The following ZNF544 variants were observed in gnomAD, a reference collection of about 807,000 sequenced individuals.
ZNF544 encodes zinc finger protein 544.
In ZNF544, 10 loss-of-function variants were observed where a neutral mutation model predicts 13.5. The ratio of observed to expected loss-of-function variants is 0.74; its 90% CI spans 0.46 to 1.25. The LOEUF (loss-of-function observed/expected upper bound fraction) is 1.25, where lower values mean the gene tolerates loss of function less well. Among genes scored for constraint, ZNF544 ranks in the 50% most tolerant of loss-of-function variants. The pLI is 0.00. For missense variants in ZNF544, 896 were observed against 845.6 expected (o/e 1.06, Z -0.74); for synonymous variants, 323 against 300.5 (o/e 1.07, Z -0.77).
chr19:58,237,634 T>A (rs758511610), intron 3 of ZNF544, among the ~76,000 whole-genome samples: 1 of 152,242 alleles, frequency 6.6e-6, no homozygotes, highest in African/African-American at 2.4e-5. Flanking sequence ...TTTGCTTTTT[T>A]TCCCCACTCA....
intron 3 of ZNF544, among the ~76,000 whole-genome samples, chr19:58,243,327 T>C (rs567174784): frequency 7.9e-5 from 12 of 151,802 alleles, no homozygotes; most frequent in Admixed American, 2.6e-4. Flanking sequence ...GAGTCAGATG[T>C]GTGGAAGGGT....
intron 3 of ZNF544, among the ~76,000 whole-genome samples, chr19:58,239,034 G>C (rs1336160063): frequency 1.3e-5 from 2 of 152,158 alleles, no homozygotes; most frequent in Non-Finnish European, 2.9e-5. Flanking sequence ...ACTGGCCTCT[G>C]AGTTCTCCTT....
chr19:58,232,346 CTTTTTTTTTTTT>C (rs71190011), intron 3 of ZNF544, among the ~76,000 whole-genome samples: 1 of 75,232 alleles, frequency 1.3e-5, no homozygotes, highest in Non-Finnish European at 2.4e-5. Flanking sequence ...ACAATTTTAT[CTTTTTTTTTTTT>C]TTTTTTTTTT....
In ZNF544 at chr19:58,263,021, T is replaced by C; in HGVS notation, c.*267T>C. 8.2e-7 allele frequency: 1 copy of C among 1,218,702 alleles called. No individual in the cohort carries two copies. Among genetic ancestry groups the C allele is most frequent in the Non-Finnish European group, 1.0e-6 (1 of 973,670 alleles). 75.5% of individuals were successfully genotyped at this position (1,218,702 alleles called of 1,614,324 possible). On this transcript the variant is annotated 3_prime_UTR_variant, in exon 7 of 7. Coordinates refer to ENST00000687789, the MANE Select transcript of ZNF544 (RefSeq NM_014480.4). ...TGAATGTGACCATTGCGAGAAAGCCTTTAGCCAACGGTGTCAACTTACTAG... is the reference window on the plus strand; with the variant it reads ...TGAATGTGACCATTGCGAGAAAGCCCTTAGCCAACGGTGTCAACTTACTAG...
intron 6 of ZNF544, chr19:58,258,021 A>G (rs1294253719): frequency 1.3e-5 from 2 of 152,230 alleles, no homozygotes; most frequent in African/African-American, 2.4e-5. Flanking sequence ...TCCCTGGGCC[A>G]TGCCCTGCAC....
At chr19:58,251,069 TA>T (rs2046218927) in intron 6 of ZNF544, among the ~76,000 whole-genome samples, 2 of 152,206 alleles carry the variant, frequency 1.3e-5, no homozygotes, top group Non-Finnish European at 2.9e-5. Context: ...TATTTTGTGC[TA>T]TAGAATAGGA....
chr19:58,246,247 C>T lies in ZNF544; in HGVS notation c.34-54C>T, dbSNP rs570419984. On this transcript the variant is annotated intron_variant, in intron 4 of 6. Coordinates refer to ENST00000687789, the MANE Select transcript of ZNF544 (RefSeq NM_014480.4). ...ACATTTAGGCCTTAACAGGTACCTC[C>T]GTGAGGGCATGAGGACCTGGGGTCT... 3.7e-5 allele frequency: 60 copies of T among 1,611,408 alleles called. No homozygotes were observed. The East Asian group carries it at 1.2e-3, about 32-fold the overall frequency.
downstream of ZNF544, among the ~76,000 whole-genome samples, chr19:58,265,777 G>A (rs547722430): frequency 2.0e-5 from 3 of 149,530 alleles, no homozygotes; most frequent in East Asian, 2.1e-4. Context: ...TTTTAGAGAC[G>A]AGGTCTCACC....
chr19:58,276,509 C>G, intron 6 of ZNF544: 11 of 942,906 alleles, frequency 1.2e-5, no homozygotes, highest in Non-Finnish European at 1.5e-5. Context: ...ACTCTGTCGC[C>G]CAGGCTGGAG....
At chr19:58,270,336 CTG>C (rs935423790) in intron 5 of ZNF544, among the ~76,000 whole-genome samples, 7 of 146,204 alleles carry the variant, frequency 4.8e-5, no homozygotes, top group African/African-American at 1.8e-4. Flanking sequence ...GAAGGAGTCT[CTG>C]TTGCCCAGTC....
At chr19:58,246,161 C>A in intron 4 of ZNF544, 140 bp from the exon 5 acceptor site, 1 of 1,170,876 alleles carries the variant, frequency 8.5e-7, no homozygotes, top group Non-Finnish European at 1.3e-6. Context: ...AAGACCCCAC[C>A]TCTTAACACT....
intron 6 of ZNF544, among the ~76,000 whole-genome samples, chr19:58,254,864 CTTTTTTT>C (rs557178874): frequency 1.4e-5 from 2 of 139,020 alleles, no homozygotes; most frequent in Non-Finnish European, 3.1e-5. Flanking sequence ...TTCTTTCTTT[CTTTTTTT>C]TTTTTTTTTC....
chr19:58,250,501 C>G (rs1325742737), intron 6 of ZNF544, among the ~76,000 whole-genome samples: 1 of 152,096 alleles, frequency 6.6e-6, no homozygotes, highest in African/African-American at 2.4e-5. Flanking sequence ...GAAAACCATA[C>G]AGGTTTTCTA....
Position 58,261,419 on chromosome 19 carries a change from C to T in ZNF544, c.813C>T (p.Asp271=). Residue 271 remains aspartate (D), a synonymous_variant, in exon 7 of 7, where the codon GAC becomes GAT. Coordinates refer to ENST00000687789, the MANE Select transcript of ZNF544 (RefSeq NM_014480.4). The part of the protein sequence containing the change: ...GRTFSVKKSD[D]CKDYGNLFSH... ...CTTTTTCAGTGAAGAAAAGTGATGA[C>T]TGTAAGGATTATGGAAACCTCTTCA... The T allele has an allele frequency of 6.2e-7, 1 of 1,614,158 alleles. No individual in the cohort carries two copies. The highest frequency in any genetic ancestry group is 8.5e-7 in the Non-Finnish European group (1 of 1,180,040).
chr19:58,264,805 G>A (rs1317342739), downstream of ZNF544, among the ~76,000 whole-genome samples: 2 of 152,178 alleles, frequency 1.3e-5, no homozygotes, highest in Non-Finnish European at 2.9e-5. Flanking sequence ...CCAGTAGATT[G>A]AGACCAGTCT....
chr19:58,262,964 C>T lies in ZNF544; in HGVS notation c.*210C>T, dbSNP rs1223564549. ...CAATGATCGCTCAACCCTTAGTAAACACGAGAGGACACACACTGGAGGCAA... is the reference window on the plus strand; with the variant it reads ...CAATGATCGCTCAACCCTTAGTAAATACGAGAGGACACACACTGGAGGCAA... On this transcript the variant is annotated 3_prime_UTR_variant, in exon 7 of 7. Coordinates refer to ENST00000687789, the MANE Select transcript of ZNF544 (RefSeq NM_014480.4). 1 of 1,379,282 alleles carries T rather than the reference C, an allele frequency of 7.3e-7. No individual in the cohort carries two copies. Among genetic ancestry groups the T allele is most frequent in the East Asian group, 2.7e-5 (1 of 36,744 alleles). The allele number at this position is 1,379,282 out of a possible 1,614,324, so 85.4% of individuals were successfully genotyped here.
chr19:58,239,661 G>A lies in ZNF544; in HGVS notation c.-59-4304G>A, dbSNP rs147817845. On this transcript the variant is annotated intron_variant, in intron 3 of 6. Transcript: ENST00000687789. ...TGCCTATAATCCCAGCACTTTGGGAGGCCGGGGTGGGCGGATCGCCCGAGG... is the reference window on the plus strand; with the variant it reads ...TGCCTATAATCCCAGCACTTTGGGAAGCCGGGGTGGGCGGATCGCCCGAGG... 2.0e-3 allele frequency among the ~76,000 whole-genome samples: 306 copies of A among 152,340 alleles called. 2 individuals are homozygous for A. The highest frequency in any genetic ancestry group is 0.015 in the Admixed American group (233 of 15,296).
At chr19:58,269,667 T>A (rs2050386674) in intron 5 of ZNF544, among the ~76,000 whole-genome samples, 1 of 145,532 alleles carries the variant, frequency 6.9e-6, no homozygotes, top group Admixed American at 6.9e-5. Context: ...ACGCCTGTAA[T>A]CCCAGCACTT....
intron 6 of ZNF544, among the ~76,000 whole-genome samples, chr19:58,248,273 CTTTTTTT>C (rs34774786): frequency 4.6e-5 from 5 of 108,516 alleles, no homozygotes; most frequent in Non-Finnish European, 7.4e-5. Context: ...TTTTTTTTTT[CTTTTTTT>C]TTTTTTTTTT....
Sources: allele counts gnomAD v4.1 joint callset (sites outside exome capture counted in the v4.1 genomes callset), GRCh38; gene constraint gnomAD v4.1.1; transcripts MANE v1.5; gene names NCBI Gene and HGNC (gene_info 2026-07-23, HGNC 2026-07-21).